Variants in PNPT1 observed in about 807,000 individuals in gnomAD.
PNPT1 encodes the protein polyribonucleotide nucleotidyltransferase 1, also known as polyribonucleotide nucleotidyltransferase 1, mitochondrial.
Under a neutral mutation model 119.5 loss-of-function variants are expected in PNPT1, and 53 were observed. That is an observed-to-expected ratio of 0.44 (90% confidence interval 0.36 to 0.56). The LOEUF (loss-of-function observed/expected upper bound fraction) is 0.56, where lower values mean the gene tolerates loss of function less well. Ranked by LOEUF, PNPT1 falls within the 20% of genes least tolerant of loss-of-function variation. The pLI is 0.00. For missense variants in PNPT1, 948 were observed against 938.5 expected, an observed-to-expected ratio of 1.01 and a Z score of -0.13; for synonymous variants, 357 against 322.1, an observed-to-expected ratio of 1.11 and a Z score of -1.16.
rs780819329 is a variant in PNPT1, at chr2:55,656,356, T to C, written c.1300A>G (p.Thr434Ala). 6.2e-7 allele frequency: 1 copy of C among 1,607,968 alleles called. No individual in the cohort carries two copies. Among genetic ancestry groups the C allele is most frequent in the African/African-American group, 1.3e-5 (1 of 74,536 alleles). The change falls in exon 16 of 28, where the codon ACT becomes GCT. Residue 434 changes from threonine (T) to alanine (A), a missense_variant. Physicochemically the swap from Thr to Ala is moderately conservative, Grantham distance 58. Transcript: ENST00000447944. Reference protein sequence around the residue: ...MLHYEFPPYATNEIGKVTGLN... With the variant: ...MLHYEFPPYAANEIGKVTGLN... ...CCAGTGACTTTGCCAATTTCATTAGTTGCATAAGGAGGAAACTTAAAAAAA... is the reference window on the plus strand; with the variant it reads ...CCAGTGACTTTGCCAATTTCATTAGCTGCATAAGGAGGAAACTTAAAAAAA...
intron 1 of PNPT1, 117 bp downstream of exon 1, chr2:55,693,546 G>A: frequency 1.4e-6 from 2 of 1,430,698 alleles, no homozygotes; most frequent in Non-Finnish European, 1.9e-6. Flanking sequence ...TAGGTTTAGG[G>A]TAAGGAGAGA....
intron 15 of PNPT1, among the ~76,000 whole-genome samples, chr2:55,659,229 A>T (rs1462593583): frequency 6.6e-6 from 1 of 152,228 alleles, no homozygotes; most frequent in Non-Finnish European, 1.5e-5. Context: ...TGCTGGGATT[A>T]CAGGTATGAG....
chr2:55,658,535 T>G (rs977716746), intron 15 of PNPT1, among the ~76,000 whole-genome samples: 2 of 152,146 alleles, frequency 1.3e-5, no homozygotes, highest in Non-Finnish European at 2.9e-5. Flanking sequence ...TGCTTTATTT[T>G]ATAATAAAGA....
intron 11 of PNPT1, among the ~76,000 whole-genome samples, chr2:55,668,670 G>A (rs1696812204): frequency 6.6e-6 from 1 of 152,084 alleles, no homozygotes; most frequent in Admixed American, 6.5e-5. Flanking sequence ...CATGATCTCA[G>A]CTCACCGCAA....
rs141724169 is a variant in PNPT1, at chr2:55,636,363, A to G, written c.2226T>C (p.Asp742=). The G allele has an allele frequency of 3.1e-6, 5 of 1,614,018 alleles. No homozygotes were observed. The African/African-American group carries it at 4.0e-5, about 13-fold the overall frequency. The change falls in exon 28 of 28, where the codon GAT becomes GAC. Residue 742 remains aspartate (D), a synonymous_variant. Coordinates refer to ENST00000447944, the MANE Select transcript of PNPT1 (RefSeq NM_033109.5). ...QVKYFGRDPA[D]GRMRLSRKVL... is the part of the protein sequence containing the mutation. ...CTTTTCGAGAAAGCCTCATTCTTCC[A>G]TCGGCTGGGTCACGTCCAAAGTATT...
chr2:55,640,662 C>G lies in PNPT1; in HGVS notation c.2113G>C (p.Val705Leu). 6.3e-7 allele frequency: 1 copy of G among 1,593,300 alleles called. No homozygotes were observed. Among genetic ancestry groups the G allele is most frequent in the Non-Finnish European group, 8.6e-7 (1 of 1,162,320 alleles). The change falls in exon 26 of 28, where the codon GTA becomes CTA. Residue 705 changes from valine (V) to leucine (L), a missense_variant. By Grantham distance (32) the Val-to-Leu change is conservative. Coordinates refer to ENST00000447944, the MANE Select transcript of PNPT1 (RefSeq NM_033109.5). ...MVKLYPNMTA[V>L]LLHNTQLDQR... ...TCAAGTTGTGTGTTATGAAGCAGTACCGCAGTCATATTTGGATATAATTTT... is the reference window on the plus strand; with the variant it reads ...TCAAGTTGTGTGTTATGAAGCAGTAGCGCAGTCATATTTGGATATAATTTT...
At chr2:55,685,744 G>T (rs1572835815) in intron 3 of PNPT1, among the ~76,000 whole-genome samples, 1 of 151,984 alleles carries the variant, frequency 6.6e-6, no homozygotes, top group Admixed American at 6.6e-5. Context: ...TATCCCTGGG[G>T]GATTGGTTCT....
At chr2:55,683,639 C>CTT in intron 5 of PNPT1, 146 bp downstream of exon 5, 1 of 423,340 alleles carries the variant, frequency 2.4e-6, no homozygotes, top group East Asian at 5.4e-5. Flanking sequence ...AAAGTACTAT[C>CTT]TTTTTTCAAA....
At chr2:55,686,752 T>C (rs1697416890) in intron 2 of PNPT1, among the ~76,000 whole-genome samples, 1 of 152,138 alleles carries the variant, frequency 6.6e-6, no homozygotes, top group African/African-American at 2.4e-5. Flanking sequence ...TAGAAGAAAA[T>C]ACCAAAATCA....
At chr2:55,679,963 G>A (rs1475940787) in intron 7 of PNPT1, among the ~76,000 whole-genome samples, 168 bp from the exon 8 acceptor site, 4 of 151,984 alleles carry the variant, frequency 2.6e-5, no homozygotes, top group Non-Finnish European at 4.4e-5. Context: ...CCTACCTTCT[G>A]TCCTCACTGG....
intron 4 of PNPT1, 123 bp from the exon 5 acceptor site, chr2:55,683,957 T>A: frequency 1.2e-6 from 1 of 826,638 alleles, no homozygotes; most frequent in Non-Finnish European, 1.9e-6. Flanking sequence ...TGGACTGATT[T>A]ACTAAGAGGG....
At chr2:55,681,474 T>C (rs1327913669) in intron 5 of PNPT1, among the ~76,000 whole-genome samples, 7 of 152,188 alleles carry the variant, frequency 4.6e-5, no homozygotes, top group Non-Finnish European at 7.4e-5. Flanking sequence ...ATCAGATAAA[T>C]ACGGTAGGTA....
intron 18 of PNPT1, among the ~76,000 whole-genome samples, chr2:55,649,891 T>C (rs1696116101): frequency 6.6e-6 from 1 of 152,230 alleles, no homozygotes. Context: ...AACTTTTTCA[T>C]GGTATACAAT....
At position 55,680,755 on chromosome 2, in the gene PNPT1, G is replaced by A. The variant is rs371732101; in HGVS notation, c.522C>T (p.Ser174=). The change falls in exon 7 of 28, where the codon TCC becomes TCT. Residue 174 remains serine, a synonymous_variant. Coordinates refer to ENST00000447944, the MANE Select transcript of PNPT1 (RefSeq NM_033109.5). The part of the protein sequence containing the change: ...EPDVLAINGA[S]VALSLSDIPW... ...GAATATCTGATAATGAGAGGGCTAC[G>A]GAAGCTTAAAAAAGGAGAAAAATCA... The A allele has an allele frequency of 3.0e-5, 48 of 1,613,332 alleles. No individual in the cohort carries two copies. The highest frequency in any genetic ancestry group is 1.6e-4 in the Middle Eastern group (1 of 6,082).
rs1559101252 is a variant in PNPT1 at position 55,667,048 on chromosome 2, C to G, written c.1119G>C (p.Glu373Asp). ...CATGAAGGGTTTTAAACATATCTAC[C>G]TCACAACTTACATTCCTAAGTGAAG... ...DLTSLRNVSC[E>D]VDMFKTLHGS... Residue 373 changes from glutamate to aspartate, a missense_variant, in exon 13 of 28, where the codon GAG becomes GAC. By Grantham distance (45) the Glu-to-Asp change is conservative. Coordinates refer to ENST00000447944, the MANE Select transcript of PNPT1 (RefSeq NM_033109.5). 3.7e-6 allele frequency: 6 copies of G among 1,611,362 alleles called. No homozygotes were observed. The East Asian group carries it at 1.1e-4, about 30-fold the overall frequency.
rs1376602232 is a variant in PNPT1 at position 55,641,355 on chromosome 2, G to A, written c.2070-650C>T. ...GCCATCTGGGCTCACTGCAACCTCC[G>A]CCTCCCAGGTTCAAGTCATTCTCAT... On this transcript the variant is annotated intron_variant, in intron 25 of 27. Coordinates refer to ENST00000447944, the MANE Select transcript of PNPT1 (RefSeq NM_033109.5). Among the ~76,000 whole-genome samples, 3 of 132,292 alleles carry A rather than the reference G, an allele frequency of 2.3e-5. No individual in the cohort carries two copies. The East Asian group carries it at 7.3e-4, about 32-fold the overall frequency. The allele number at this position is 132,292 out of a possible 152,430, so 86.8% of individuals were successfully genotyped here. A position where few individuals can be genotyped will look rare whatever the true frequency, so the allele number is the denominator to read the frequency against.
At chr2:55,642,582 G>A (rs1488097150) in intron 25 of PNPT1, among the ~76,000 whole-genome samples, 1 of 143,242 alleles carries the variant, frequency 7.0e-6, no homozygotes, top group Non-Finnish European at 1.5e-5. Flanking sequence ...CTCCAGCCTG[G>A]GTGACAGAGC....
intron 13 of PNPT1, among the ~76,000 whole-genome samples, chr2:55,664,618 G>C (rs1359573810): frequency 1.3e-5 from 2 of 151,952 alleles, no homozygotes; most frequent in African/African-American, 4.8e-5. Context: ...GTAAAAAATA[G>C]AGAAACAAAA....
Position 55,661,968 on chromosome 2 carries a change from A to G in PNPT1, c.1235T>C (p.Ile412Thr), listed in dbSNP as rs1696592279. The G allele has an allele frequency of 6.4e-7, 1 of 1,572,952 alleles. No individual in the cohort carries two copies. ...AAACATAACTTACTTTATAGCTGTT[A>G]TAACTTGATCTGACTTAATACCAGA... is the stretch of plus-strand genomic sequence containing the variant. ...LESGIKSDQV[I>T]TAINGIKDKN... Residue 412 changes from isoleucine (I) to threonine (T), a missense_variant, in exon 14 of 28, where the codon ATA becomes ACA. Ile to Thr is a moderately conservative substitution (Grantham distance 89). Coordinates refer to ENST00000447944, the MANE Select transcript of PNPT1 (RefSeq NM_033109.5).
Sources: gnomAD v4.1 joint callset for allele counts (sites outside exome capture counted in the v4.1 genomes callset) on GRCh38, gnomAD v4.1.1 for gene constraint, MANE v1.5 for transcripts, NCBI Gene and HGNC (gene_info 2026-07-23, HGNC 2026-07-21) for gene names.